Variants in PAFAH1B1 observed in about 807,000 individuals in gnomAD.
PAFAH1B1 encodes the protein platelet-activating factor acetylhydrolase IB subunit beta.
In PAFAH1B1, 2 loss-of-function variants were observed where a neutral mutation model predicts 57.5. The ratio of observed to expected loss-of-function variants is 0.03; its 90% confidence interval spans 0.01 to 0.11. The LOEUF is 0.11. Among genes scored for constraint, PAFAH1B1 ranks in the 10% least tolerant of loss-of-function variants. PAFAH1B1 has a pLI of 1.00. For synonymous variants in PAFAH1B1, 152 were observed against 169.6 expected (o/e 0.90, Z 0.81); for missense variants, 257 against 512.0 (o/e 0.50, Z 4.81).
intron 1 of PAFAH1B1, among the ~76,000 whole-genome samples, chr17:2,629,180 G>A (rs2068527091): frequency 6.6e-6 from 1 of 152,040 alleles, no homozygotes; most frequent in Non-Finnish European, 1.5e-5. Context: ...TCCTTGAGGT[G>A]TGACCTTAGA....
chr17:2,677,976 G>A (rs1402565439), intron 9 of PAFAH1B1, among the ~76,000 whole-genome samples: 1 of 152,134 alleles, frequency 6.6e-6, no homozygotes, highest in Non-Finnish European at 1.5e-5. Flanking sequence ...AATAAAGCAG[G>A]CCAGGCGCAG....
intron 2 of PAFAH1B1, among the ~76,000 whole-genome samples, chr17:2,657,495 C>G (rs999120769): frequency 1.3e-5 from 2 of 152,242 alleles, no homozygotes; most frequent in African/African-American, 4.8e-5. Flanking sequence ...CCACCCACCT[C>G]AGTCTCCCAA....
intron 2 of PAFAH1B1, among the ~76,000 whole-genome samples, chr17:2,648,723 T>C (rs1185886087): frequency 6.1e-5 from 9 of 146,792 alleles, no homozygotes; most frequent in Non-Finnish European, 9.0e-5. Context: ...ACCCAAAATA[T>C]AGAAAATGGT....
At chr17:2,671,989 T>C (rs2069190694) in intron 6 of PAFAH1B1, among the ~76,000 whole-genome samples, 2 of 152,038 alleles carry the variant, frequency 1.3e-5, no homozygotes, top group African/African-American at 4.8e-5. Flanking sequence ...ACCTAGAAGC[T>C]AGGCACAGTG....
At chr17:2,651,760 C>T (rs2068852956) in intron 2 of PAFAH1B1, among the ~76,000 whole-genome samples, 2 of 152,116 alleles carry the variant, frequency 1.3e-5, no homozygotes, top group Admixed American at 6.6e-5. Context: ...TGCCATATGC[C>T]TTTTTGCCTT....
chr17:2,670,958 T>A (rs1469183503), intron 6 of PAFAH1B1, among the ~76,000 whole-genome samples: 1 of 152,200 alleles, frequency 6.6e-6, no homozygotes, highest in Non-Finnish European at 1.5e-5. Flanking sequence ...AGTCATAAGA[T>A]AAATCATCTT....
At chr17:2,615,496 A>G (rs1216734605) in intron 1 of PAFAH1B1, among the ~76,000 whole-genome samples, 1 of 150,936 alleles carries the variant, frequency 6.6e-6, no homozygotes, top group Non-Finnish European at 1.5e-5. Context: ...CCTGGAGTGC[A>G]GTGGCACAAT....
chr17:2,602,605 C>T (rs1025731519), intron 1 of PAFAH1B1, among the ~76,000 whole-genome samples: 3 of 152,182 alleles, frequency 2.0e-5, no homozygotes, highest in African/African-American at 2.4e-5. Flanking sequence ...AATTTCACAT[C>T]GTCTCTCTAA....
intron 1 of PAFAH1B1, among the ~76,000 whole-genome samples, chr17:2,625,892 C>T (rs949112133): frequency 7.9e-5 from 12 of 152,036 alleles, no homozygotes; most frequent in African/African-American, 1.7e-4. Flanking sequence ...GAGCTATGAT[C>T]GATCATGCCA....
intron 2 of PAFAH1B1, among the ~76,000 whole-genome samples, chr17:2,656,528 A>G (rs981979605): frequency 7.2e-5 from 11 of 152,052 alleles, no homozygotes; most frequent in African/African-American, 2.7e-4. Context: ...ACTACCATAT[A>G]CTATGACTTG....
In PAFAH1B1 at chr17:2,670,147, T is replaced by G. The variant is rs927461308; in HGVS notation, c.400-16T>G. ...TGATGGAGTTGGTGTTAACCAATTT[T>G]CTGTTCACTTGACAGGTGTGGGATT... is the stretch of plus-strand genomic sequence containing the variant. On this transcript the variant is annotated splice_polypyrimidine_tract_variant and intron_variant, in intron 5 of 10. Transcript: ENST00000397195. 4 of 1,613,466 alleles carry G rather than the reference T, an allele frequency of 2.5e-6. No individual in the cohort carries two copies. The highest frequency in any genetic ancestry group is 3.4e-6 in the Non-Finnish European group (4 of 1,179,444).
At chr17:2,669,820 T>A (rs2069156781) in intron 5 of PAFAH1B1, among the ~76,000 whole-genome samples, 1 of 152,254 alleles carries the variant, frequency 6.6e-6, no homozygotes, top group African/African-American at 2.4e-5. Context: ...TCCTCTTATT[T>A]CTTCCCCTTA....
At chr17:2,673,353 T>C (rs2069208770) in intron 7 of PAFAH1B1, among the ~76,000 whole-genome samples, 1 of 151,956 alleles carries the variant, frequency 6.6e-6, no homozygotes. Context: ...GTGTAAATAA[T>C]CTTTGGCCGG....
chr17:2,676,447 T>G (rs1056523271), intron 8 of PAFAH1B1, 58 bp from the exon 9 acceptor site: 26 of 1,066,044 alleles, frequency 2.4e-5, no homozygotes, highest in Non-Finnish European at 3.7e-5. Context: ...AGAAGCCATT[T>G]AAAGTCCATA....
intron 5 of PAFAH1B1, among the ~76,000 whole-genome samples, chr17:2,668,936 A>G (rs1290701835): frequency 6.6e-6 from 1 of 152,046 alleles, no homozygotes; most frequent in Non-Finnish European, 1.5e-5. Context: ...AGATCGCGCC[A>G]CTGCACTCCA....
At chr17:2,598,174 G>A (rs1257762544) in intron 1 of PAFAH1B1, among the ~76,000 whole-genome samples, 2 of 151,986 alleles carry the variant, frequency 1.3e-5, no homozygotes, top group Non-Finnish European at 2.9e-5. Flanking sequence ...GCTTGAACCC[G>A]GGAGGTGGAG....
chr17:2,656,062 A>G (rs552040756), intron 2 of PAFAH1B1, among the ~76,000 whole-genome samples: 6 of 152,012 alleles, frequency 3.9e-5, no homozygotes, highest in African/African-American at 1.4e-4. Context: ...GACTGAGACT[A>G]CAGACATCTG....
At chr17:2,597,399 G>T (rs13343274) in intron 1 of PAFAH1B1, among the ~76,000 whole-genome samples, 36,955 of 137,796 alleles carry the variant, frequency 0.27, 5,228 homozygotes, top group Middle Eastern at 0.34. Context: ...TAGAACATCC[G>T]TGTCTTTTTT....
intron 1 of PAFAH1B1, among the ~76,000 whole-genome samples, chr17:2,622,520 G>A (rs1434368211): frequency 6.6e-6 from 1 of 152,210 alleles, no homozygotes; most frequent in African/African-American, 2.4e-5. Flanking sequence ...CCAGGTCTCA[G>A]ATCCAGGTCA....
Sources: gnomAD v4.1 joint callset for allele counts (sites outside exome capture counted in the v4.1 genomes callset) on GRCh38, gnomAD v4.1.1 for gene constraint, MANE v1.5 for transcripts, NCBI Gene and HGNC (gene_info 2026-07-23, HGNC 2026-07-21) for gene names.